The following HAPLN2 variants were observed in gnomAD, a reference collection of about 807,000 sequenced individuals.
HAPLN2 encodes the protein hyaluronan and proteoglycan link protein 2, also known as brain link protein-1.
Under a neutral mutation model 29.3 loss-of-function variants are expected in HAPLN2, and 27 were observed. That is an observed-to-expected ratio of 0.92 (90% CI 0.68 to 1.27). The LOEUF (loss-of-function observed/expected upper bound fraction) is 1.27. Among genes scored for constraint, HAPLN2 ranks in the 50% most tolerant of loss-of-function variants. The pLI is 0.00. For missense variants in HAPLN2, 454 were observed against 484.3 expected (o/e 0.94, Z 0.59); for synonymous variants, 208 against 211.7 (o/e 0.98, Z 0.15).
At chr1:156,612,666 G>A in the HAPLN2 span, among the ~76,000 whole-genome samples, 2 of 152,168 alleles carry the variant, frequency 1.3e-5, no homozygotes, top group South Asian at 4.1e-4. Context: ...GTGGCTCACG[G>A]GAGCAGCAAA....
intron 4 of HAPLN2, 66 bp from the exon 5 acceptor site, chr1:156,624,285 G>A (rs1372215716): frequency 2.6e-6 from 4 of 1,513,040 alleles, no homozygotes; most frequent in Non-Finnish European, 1.8e-6. Flanking sequence ...CTCCCAGGCC[G>A]CGCCGCCCTT....
the HAPLN2 span, among the ~76,000 whole-genome samples, chr1:156,608,218 A>G: frequency 6.6e-6 from 1 of 152,242 alleles, no homozygotes; most frequent in African/African-American, 2.4e-5. Flanking sequence ...GAGAGATGGA[A>G]TGAGACGTGC....
the HAPLN2 span, among the ~76,000 whole-genome samples, chr1:156,607,902 GC>G: frequency 1.3e-5 from 2 of 151,878 alleles, no homozygotes; most frequent in Admixed American, 1.3e-4. Flanking sequence ...TACTGGCAAT[GC>G]TTACCTATTC....
chr1:156,610,875 G>A, the HAPLN2 span, among the ~76,000 whole-genome samples: 2 of 152,304 alleles, frequency 1.3e-5, no homozygotes, highest in East Asian at 3.9e-4. Context: ...TTATTCCTTT[G>A]ATAGTGGTTG....
At chr1:156,615,919 T>C (rs1678047030), upstream of HAPLN2, among the ~76,000 whole-genome samples, 1 of 147,378 alleles carries the variant, frequency 6.8e-6, no homozygotes, top group Non-Finnish European at 1.5e-5. Context: ...CTTAAAAAAA[T>C]TTTTAGAGAT....
At chr1:156,623,362 TG>T in intron 2 of HAPLN2, 104 bp from the exon 3 acceptor site, 1 of 951,392 alleles carries the variant, frequency 1.1e-6, no homozygotes, top group Non-Finnish European at 1.6e-6. Flanking sequence ...GGCTTCCAGC[TG>T]GACAGTCCCT....
chr1:156,624,288 C>T, intron 4 of HAPLN2, 63 bp from the exon 5 acceptor site: 1 of 1,516,810 alleles, frequency 6.6e-7, no homozygotes, highest in Non-Finnish European at 8.9e-7. Flanking sequence ...CCAGGCCGCG[C>T]CGCCCTTCCT....
chr1:156,617,385 C>G (rs1358978656), upstream of HAPLN2, among the ~76,000 whole-genome samples: 2 of 145,174 alleles, frequency 1.4e-5, no homozygotes, highest in African/African-American at 2.6e-5. Context: ...GTGTCTCACT[C>G]TGTTGCCCAG....
chr1:156,620,637 C>T (rs765838399), intron 2 of HAPLN2, among the ~76,000 whole-genome samples: 4 of 152,270 alleles, frequency 2.6e-5, no homozygotes, highest in Non-Finnish European at 4.4e-5. Flanking sequence ...GCATAACCTC[C>T]GTTTCTCCTA....
chr1:156,619,014 A>G (rs1398545174), upstream of HAPLN2, among the ~76,000 whole-genome samples: 2 of 151,992 alleles, frequency 1.3e-5, no homozygotes, highest in Non-Finnish European at 2.9e-5. Flanking sequence ...TTGCTGTCTA[A>G]TCTCCATCTC....
intron 6 of HAPLN2, 125 bp downstream of exon 6, chr1:156,624,908 A>AGGGGC: frequency 3.9e-6 from 4 of 1,017,150 alleles, no homozygotes; most frequent in Non-Finnish European, 5.4e-6. Flanking sequence ...CCCCCCCATC[A>AGGGGC]GCCCGCCCGC....
chr1:156,621,957 A>G (rs77460079), intron 2 of HAPLN2, among the ~76,000 whole-genome samples: 1 of 149,398 alleles, frequency 6.7e-6, no homozygotes, highest in Non-Finnish European at 1.5e-5. Flanking sequence ...CTCCATCTAG[A>G]AAAAAAAAAC....
the HAPLN2 span, among the ~76,000 whole-genome samples, chr1:156,603,929 C>T: frequency 2.0e-5 from 3 of 152,100 alleles, no homozygotes; most frequent in African/African-American, 4.8e-5. Context: ...AGCATCTGAC[C>T]CAGTCTGAGA....
intron 2 of HAPLN2, among the ~76,000 whole-genome samples, chr1:156,622,990 T>C (rs892180224): frequency 6.1e-5 from 9 of 147,552 alleles, no homozygotes; most frequent in African/African-American, 2.2e-4. Context: ...GCCATGATCA[T>C]GCCACGGGAC....
At chr1:156,606,250 C>T in the HAPLN2 span, among the ~76,000 whole-genome samples, 1 of 151,488 alleles carries the variant, frequency 6.6e-6, no homozygotes, top group African/African-American at 2.4e-5. Context: ...GGCAAAACAG[C>T]GAAACTCCAT....
chr1:156,602,590 T>G, the HAPLN2 span, among the ~76,000 whole-genome samples: 9 of 108,082 alleles, frequency 8.3e-5, no homozygotes, highest in South Asian at 6.3e-4. Flanking sequence ...GGCATGGTGG[T>G]GCACGCCTGT....
At chr1:156,601,577 C>G in the HAPLN2 span, 2 of 986,522 alleles carry the variant, frequency 2.0e-6, no homozygotes, top group Non-Finnish European at 3.0e-6. Flanking sequence ...GCCCAATTTG[C>G]CGGTATGGTT....
the HAPLN2 span, among the ~76,000 whole-genome samples, chr1:156,610,149 G>T: frequency 6.6e-6 from 1 of 152,122 alleles, no homozygotes; most frequent in Non-Finnish European, 1.5e-5. Context: ...AGGAGGTGGA[G>T]GTTCCAATGA....
chr1:156,619,304 C>T (rs571862326), upstream of HAPLN2: 215 of 150,924 alleles, frequency 1.4e-3, 1 homozygote, highest in African/African-American at 4.9e-3. Flanking sequence ...TTGCCATTAC[C>T]CACAGAATAA....
Sources: allele counts gnomAD v4.1 joint callset (sites outside exome capture counted in the v4.1 genomes callset), GRCh38; gene constraint gnomAD v4.1.1; transcripts MANE v1.5; gene names NCBI Gene and HGNC (gene_info 2026-07-23, HGNC 2026-07-21).